Variants in FRMD4A observed in about 807,000 individuals in gnomAD.
FRMD4A encodes FERM domain-containing protein 4A.
FRMD4A carries 29 observed loss-of-function variants against 129.1 expected under a neutral mutation model. That is an observed-to-expected ratio of 0.22 (90% CI 0.17 to 0.31). The LOEUF is 0.31. Ranked by LOEUF, FRMD4A falls within the 10% of genes least tolerant of loss-of-function variation. The pLI is 1.00. For missense variants in FRMD4A, 1,272 were observed against 1,375.8 expected (o/e 0.92, Z 1.19); for synonymous variants, 634 against 571.6 (o/e 1.11, Z -1.56).
intron 11 of FRMD4A, among the ~76,000 whole-genome samples, chr10:13,738,219 C>T (rs80028108): frequency 0.013 from 2,046 of 152,270 alleles, 88 homozygotes; most frequent in South Asian, 0.12. Context: ...GAATGCCCTG[C>T]TTGCGCTCTC....
At chr10:14,021,586 A>AAT (rs1035857563) in intron 2 of FRMD4A, among the ~76,000 whole-genome samples, 8 of 152,044 alleles carry the variant, frequency 5.3e-5, no homozygotes, top group Middle Eastern at 3.4e-3. Flanking sequence ...ATAAAATAAA[A>AAT]ATAAATAAAT....
intron 2 of FRMD4A, among the ~76,000 whole-genome samples, chr10:14,062,660 A>G (rs1834868587): frequency 6.6e-6 from 1 of 152,222 alleles, no homozygotes; most frequent in Non-Finnish European, 1.5e-5. Flanking sequence ...TTCAGCTGCA[A>G]GTTACAGAAT....
intron 2 of FRMD4A, among the ~76,000 whole-genome samples, chr10:13,935,163 G>A (rs2095238080): frequency 6.6e-6 from 1 of 152,124 alleles, no homozygotes; most frequent in Non-Finnish European, 1.5e-5. Context: ...AATGGGCTGG[G>A]TGTGGTGGCT....
chr10:14,016,157 T>C (rs959463221), intron 2 of FRMD4A, among the ~76,000 whole-genome samples: 2 of 152,228 alleles, frequency 1.3e-5, no homozygotes, highest in Non-Finnish European at 2.9e-5. Flanking sequence ...CAAGGGGAAG[T>C]AGACCTGGCC....
At chr10:13,839,558 C>T (rs1431907458) in intron 3 of FRMD4A, among the ~76,000 whole-genome samples, 1 of 152,284 alleles carries the variant, frequency 6.6e-6, no homozygotes, top group Non-Finnish European at 1.5e-5. Context: ...GTACCATTGG[C>T]GTCCTCCTGT....
intron 2 of FRMD4A, among the ~76,000 whole-genome samples, chr10:14,182,091 A>G (rs752861060): frequency 4.6e-5 from 7 of 152,164 alleles, no homozygotes; most frequent in Non-Finnish European, 7.4e-5. Context: ...CTTTTTCTTT[A>G]TAAGAGGCAA....
chr10:13,881,122 A>G (rs1589141832), intron 2 of FRMD4A, among the ~76,000 whole-genome samples: 1 of 151,978 alleles, frequency 6.6e-6, no homozygotes, highest in East Asian at 1.9e-4. Context: ...CATTTTTTAT[A>G]CGAAAAAAAG....
At chr10:14,174,866 AGTGTGTGTGTGT>A (rs1841650041) in intron 2 of FRMD4A, among the ~76,000 whole-genome samples, 1 of 139,524 alleles carries the variant, frequency 7.2e-6, no homozygotes, top group Non-Finnish European at 1.5e-5. Flanking sequence ...TAAAAAAAAA[AGTGTGTGTGTGT>A]CTGTGTGTGT....
intron 2 of FRMD4A, among the ~76,000 whole-genome samples, chr10:13,905,365 A>G (rs1391112784): frequency 6.6e-6 from 1 of 152,154 alleles, no homozygotes; most frequent in Non-Finnish European, 1.5e-5. Context: ...TCCTTTGTTC[A>G]TGTACTTTTA....
At chr10:14,105,264 T>C (rs1837527534) in intron 2 of FRMD4A, among the ~76,000 whole-genome samples, 1 of 152,106 alleles carries the variant, frequency 6.6e-6, no homozygotes, top group Non-Finnish European at 1.5e-5. Flanking sequence ...GTTTAAGCAA[T>C]AAAATAAAGT....
chr10:14,002,341 T>A (rs541654698), intron 2 of FRMD4A, among the ~76,000 whole-genome samples: 71 of 152,358 alleles, frequency 4.7e-4, no homozygotes, highest in African/African-American at 1.4e-3. Context: ...CTTAAAGATG[T>A]ACAGCATGGT....
chr10:13,909,562 G>T (rs1353712714), intron 2 of FRMD4A, among the ~76,000 whole-genome samples: 2 of 152,182 alleles, frequency 1.3e-5, no homozygotes, highest in African/African-American at 2.4e-5. Flanking sequence ...AATGCAAAAG[G>T]TGTCAGATGT....
At chr10:14,146,753 TG>T (rs1293748762) in intron 2 of FRMD4A, among the ~76,000 whole-genome samples, 2 of 152,176 alleles carry the variant, frequency 1.3e-5, no homozygotes, top group Non-Finnish European at 2.9e-5. Flanking sequence ...GCTGTCAGCT[TG>T]GGGGACAGGG....
chr10:13,841,657 A>C (rs1012762103), intron 3 of FRMD4A, among the ~76,000 whole-genome samples: 12 of 152,238 alleles, frequency 7.9e-5, no homozygotes, highest in Non-Finnish European at 4.4e-5. Context: ...AGGAGGAGAC[A>C]GCACAGATAT....
At chr10:14,206,843 T>C (rs1164505771) in intron 2 of FRMD4A, among the ~76,000 whole-genome samples, 1 of 131,004 alleles carries the variant, frequency 7.6e-6, no homozygotes, top group Admixed American at 8.0e-5. Context: ...AAACAAAATA[T>C]TTTTTTAATT....
intron 3 of FRMD4A, among the ~76,000 whole-genome samples, chr10:13,838,408 A>G (rs1363388607): frequency 1.3e-5 from 2 of 150,144 alleles, no homozygotes; most frequent in Non-Finnish European, 3.0e-5. Flanking sequence ...TGTGCCATTT[A>G]TGATCTCCTT....
At chr10:14,108,146 G>C (rs1837682518) in intron 2 of FRMD4A, among the ~76,000 whole-genome samples, 1 of 152,066 alleles carries the variant, frequency 6.6e-6, no homozygotes, top group South Asian at 2.1e-4. Flanking sequence ...TCCCTCTGTA[G>C]AGAGAAATGG....
intron 2 of FRMD4A, among the ~76,000 whole-genome samples, chr10:14,106,235 GT>G (rs1272486004): frequency 6.6e-6 from 1 of 152,098 alleles, no homozygotes; most frequent in Non-Finnish European, 1.5e-5. Flanking sequence ...ATCCATTACA[GT>G]TTTATCCTAA....
chr10:13,740,818 T>C (rs1273068921), intron 9 of FRMD4A, among the ~76,000 whole-genome samples: 2 of 139,032 alleles, frequency 1.4e-5, no homozygotes, highest in African/African-American at 5.8e-5. Flanking sequence ...CTCTTTGTCT[T>C]GGATGTTTGT....
Sources: gnomAD v4.1 joint callset for allele counts (sites outside exome capture counted in the v4.1 genomes callset) on GRCh38, gnomAD v4.1.1 for gene constraint, MANE v1.5 for transcripts, NCBI Gene and HGNC (gene_info 2026-07-23, HGNC 2026-07-21) for gene names.